Variants in CDPF1 observed in about 807,000 individuals in gnomAD.
The protein encoded by CDPF1 is cysteine rich DPF motif domain containing 1, also known as cysteine-rich DPF motif domain-containing protein 1.
Under a neutral mutation model 8.3 loss-of-function variants are expected in CDPF1, and 8 were observed. That is an observed-to-expected ratio of 0.96 (90% CI 0.57 to 1.74). The LOEUF (loss-of-function observed/expected upper bound fraction) is 1.74. CDPF1 is among the 40% of genes most tolerant of loss of function. The probability of loss-of-function intolerance (pLI) is 0.00; values close to 1 mark genes in which losing one functional copy is unlikely to be tolerated. For synonymous variants in CDPF1, 62 were observed against 62.9 expected, an observed-to-expected ratio of 0.99 and a Z score of 0.07; for missense variants, 151 against 155.3, an observed-to-expected ratio of 0.97 and a Z score of 0.15.
chr22:46,247,040 C>T lies in CDPF1; in HGVS notation c.225+70G>A, dbSNP rs998579862. ...CCGCTGCTCCCTCTCTCCCAGCCCT[C>T]CCTACCCAGGGAGAGCTCCAGGATA... On this transcript the variant is annotated intron_variant, in intron 3 of 3. Coordinates refer to ENST00000314567, the MANE Select transcript of CDPF1 (RefSeq NM_207327.5). The surrounding 1 kb of genome is among the most constrained non-coding windows in gnomAD (Gnocchi z 4.3). The T allele has an allele frequency of 2.0e-5, 28 of 1,404,000 alleles. No homozygotes were observed. Among genetic ancestry groups the T allele is most frequent in the Non-Finnish European group, 2.7e-5 (27 of 1,006,504 alleles). 87.0% of individuals were successfully genotyped at this position (1,404,000 alleles called of 1,614,324 possible). A position where few individuals can be genotyped will look rare whatever the true frequency, so the allele number is the denominator to read the frequency against.
In CDPF1 at chr22:46,246,815, C is replaced by G; in HGVS notation, c.225+295G>C. The G allele has an allele frequency of 6.4e-7, 1 of 1,572,292 alleles. No homozygotes were observed. The highest frequency in any genetic ancestry group is 8.6e-7 in the Non-Finnish European group (1 of 1,159,668). On this transcript the variant is annotated intron_variant, in intron 3 of 3. Transcript: ENST00000314567. The surrounding 1 kb of genome is among the most constrained non-coding windows in gnomAD (Gnocchi z 7.1). ...GAACATCTAGAAAGTAAGTCACCAT[C>G]CTGGTGAGAGGGCGCACAAGGACTG...
chr22:46,248,182 G>A lies in CDPF1; in HGVS notation c.103C>T (p.Gln35Ter), dbSNP rs1179299170. The A allele has an allele frequency of 9.9e-6, 16 of 1,611,870 alleles. No homozygotes were observed. The highest frequency in any genetic ancestry group is 1.4e-5 in the Non-Finnish European group (16 of 1,178,484). ...SYVGQKPPNT[Q>*]SMVLLEESYV... ...AAGGCATGCACTCACACCATCGACT[G>A]GGTGTTGGGGGGCTTCTGTCCCACA... The change falls in exon 2 of 4, where the codon CAG becomes TAG. Residue 35 changes from glutamine (Q) to a stop codon, truncating the protein, a stop_gained. Transcript: ENST00000314567. LOFTEE classifies it high-confidence loss of function. The surrounding 1 kb of genome is among the most constrained non-coding windows in gnomAD (Gnocchi z 4.1).
At position 46,249,477 on chromosome 22, in the gene CDPF1, C is replaced by T. The variant is rs1442569610; in HGVS notation, c.-1+779G>A. On this transcript the variant is annotated intron_variant, in intron 1 of 3. Transcript: ENST00000314567. This position sits in a 1 kb window ranked among gnomAD's most constrained non-coding sequence, Gnocchi z 4.6. ...CAACCTAGCCAACATGGCGAAACCCCATCTCTACTAAAAGTACAAAAATTA... is the reference window on the plus strand; with the variant it reads ...CAACCTAGCCAACATGGCGAAACCCTATCTCTACTAAAAGTACAAAAATTA... Among the ~76,000 whole-genome samples, 1 of 152,036 alleles carries T rather than the reference C, an allele frequency of 6.6e-6. No homozygotes were observed. Among genetic ancestry groups the T allele is most frequent in the Non-Finnish European group, 1.5e-5 (1 of 68,008 alleles).
chr22:46,244,522 G>A lies in CDPF1; in HGVS notation c.*570C>T, dbSNP rs945002115. 1 of 152,268 alleles carries A rather than the reference G, an allele frequency of 6.6e-6. No homozygotes were observed. The highest frequency in any genetic ancestry group is 2.4e-5 in the African/African-American group (1 of 41,408). The allele number at this position is 152,268 out of a possible 1,614,324, so 9.4% of individuals were successfully genotyped here. ...AAGATTCCTTTTCCAAACATGAGCTGGTTCTTTGGGTTTTTAATTATAAAC... is the reference window on the plus strand; with the variant it reads ...AAGATTCCTTTTCCAAACATGAGCTAGTTCTTTGGGTTTTTAATTATAAAC... On this transcript the variant is annotated 3_prime_UTR_variant, in exon 4 of 4. Transcript: ENST00000314567. This position sits in a 1 kb window ranked among gnomAD's most constrained non-coding sequence, Gnocchi z 6.7.
In CDPF1 at chr22:46,245,963, C is replaced by T. The variant is rs150930615; in HGVS notation, c.226-725G>A. Among the ~76,000 whole-genome samples, 17 of 152,318 alleles carry T rather than the reference C, an allele frequency of 1.1e-4. 1 individual carries two copies. The East Asian group carries it at 3.3e-3, about 29-fold the overall frequency. On this transcript the variant is annotated intron_variant, in intron 3 of 3. Coordinates refer to ENST00000314567, the MANE Select transcript of CDPF1 (RefSeq NM_207327.5). The surrounding 1 kb of genome is among the most constrained non-coding windows in gnomAD (Gnocchi z 6.9). ...GTGGGAGCTCCACAGCCACAAGGGA[C>T]CCAAATAGAGACTCTGCTGAAGACA...
chr22:46,244,750 C>T lies in CDPF1; in HGVS notation c.*342G>A, dbSNP rs922239918. On this transcript the variant is annotated 3_prime_UTR_variant, in exon 4 of 4. Transcript: ENST00000314567. This position sits in a 1 kb window ranked among gnomAD's most constrained non-coding sequence, Gnocchi z 6.7. ...GCATCTCCCCCCACACGCACCTGCA[C>T]GCAGCCTCTTAGGAGCTGCCCTGCT... 19 of 268,106 alleles carry T rather than the reference C, an allele frequency of 7.1e-5. No individual in the cohort carries two copies. Among genetic ancestry groups the T allele is most frequent in the Middle Eastern group, 1.1e-3 (1 of 878 alleles). 16.6% of individuals were successfully genotyped at this position (268,106 alleles called of 1,614,324 possible). A position where few individuals can be genotyped will look rare whatever the true frequency, so the allele number is the denominator to read the frequency against.
rs149670586 is a variant in CDPF1 at position 46,246,084 on chromosome 22, T to C, written c.226-846A>G. Among the ~76,000 whole-genome samples the C allele has an allele frequency of 0.013, 1,965 of 152,300 alleles. 18 individuals carry two copies. Among genetic ancestry groups the C allele is most frequent in the Admixed American group, 0.019 (289 of 15,300 alleles). ...TTTGCTTTACTTAGGCCACTCTTAT[T>C]TTTGGTGTCTGTCTGTTCTTAAAGC... On this transcript the variant is annotated intron_variant, in intron 3 of 3. Coordinates refer to ENST00000314567, the MANE Select transcript of CDPF1 (RefSeq NM_207327.5). This position sits in a 1 kb window ranked among gnomAD's most constrained non-coding sequence, Gnocchi z 7.1.
chr22:46,246,797 T>C lies in CDPF1; in HGVS notation c.225+313A>G. On this transcript the variant is annotated intron_variant, in intron 3 of 3. Transcript: ENST00000314567. This position sits in a 1 kb window ranked among gnomAD's most constrained non-coding sequence, Gnocchi z 7.1. ...TCCTGGAGATCCCTCCAAGAACATC[T>C]AGAAAGTAAGTCACCATCCTGGTGA... 1 of 1,588,172 alleles carries C rather than the reference T, an allele frequency of 6.3e-7. No individual in the cohort carries two copies.
Position 46,247,546 on chromosome 22 carries a change from C to G in CDPF1, c.114-325G>C, listed in dbSNP as rs1238250154. ...TGACTGATTCACCACAGTGGGGGCACAAGGCTGCCACCTGAATACCCCAGG... is the reference window on the plus strand; with the variant it reads ...TGACTGATTCACCACAGTGGGGGCAGAAGGCTGCCACCTGAATACCCCAGG... On this transcript the variant is annotated intron_variant, in intron 2 of 3. Transcript: ENST00000314567. This position sits in a 1 kb window ranked among gnomAD's most constrained non-coding sequence, Gnocchi z 4.3. Among the ~76,000 whole-genome samples the G allele has an allele frequency of 2.0e-5, 3 of 152,180 alleles. No homozygotes were observed. Among genetic ancestry groups the G allele is most frequent in the Non-Finnish European group, 4.4e-5 (3 of 68,020 alleles).
Position 46,249,275 on chromosome 22 carries a change from A to T in CDPF1, c.-1+981T>A, listed in dbSNP as rs1046647466. Among the ~76,000 whole-genome samples the T allele has an allele frequency of 2.0e-5, 3 of 152,170 alleles. No individual in the cohort carries two copies. The highest frequency in any genetic ancestry group is 7.2e-5 in the African/African-American group (3 of 41,432). On this transcript the variant is annotated intron_variant, in intron 1 of 3. Coordinates refer to ENST00000314567, the MANE Select transcript of CDPF1 (RefSeq NM_207327.5). The surrounding 1 kb of genome is among the most constrained non-coding windows in gnomAD (Gnocchi z 4.6). ...CGCCTGAACTGAGCGTGGTGTATAA[A>T]GGCGTATCAAATGCGATGGCTTTCC...
In CDPF1 at chr22:46,247,371, T is replaced by G. The variant is rs910270754; in HGVS notation, c.114-150A>C. On this transcript the variant is annotated intron_variant, in intron 2 of 3. Transcript: ENST00000314567. This position sits in a 1 kb window ranked among gnomAD's most constrained non-coding sequence, Gnocchi z 4.3. ...TCAGGGCAGGGGACTAGGCCACCCG[T>G]GCTGCAGGGCAGTGACAGAAAGGAT... The G allele has an allele frequency of 6.4e-6, 4 of 625,048 alleles. No individual in the cohort carries two copies. The highest frequency in any genetic ancestry group is 4.9e-5 in the Admixed American group (2 of 40,450). The allele number at this position is 625,048 out of a possible 1,614,324, so 38.7% of individuals were successfully genotyped here.
rs985928326 is a variant in CDPF1 at position 46,246,179 on chromosome 22, G to A, written c.225+931C>T. The stretch of plus-strand genomic sequence containing the variant: ...AAAAGACCCTTCGCCATGGAGATCC[G>A]CTCACTAACAACCTACTGTTTAAAC... On this transcript the variant is annotated intron_variant, in intron 3 of 3. Transcript: ENST00000314567. The surrounding 1 kb of genome is among the most constrained non-coding windows in gnomAD (Gnocchi z 7.1). Among the ~76,000 whole-genome samples, 1 of 152,186 alleles carries A rather than the reference G, an allele frequency of 6.6e-6. No homozygotes were observed. Among genetic ancestry groups the A allele is most frequent in the South Asian group, 2.1e-4 (1 of 4,828 alleles).
rs1446616595 is a variant in CDPF1 at position 46,247,504 on chromosome 22, C to A, written c.114-283G>T. On this transcript the variant is annotated intron_variant, in intron 2 of 3. Coordinates refer to ENST00000314567, the MANE Select transcript of CDPF1 (RefSeq NM_207327.5). This position sits in a 1 kb window ranked among gnomAD's most constrained non-coding sequence, Gnocchi z 4.3. ...TCAGCCAAAAGCAGGGCTGCTGCAA[C>A]ATGGGCCCCCAGACCCTGACTGATT... is the stretch of plus-strand genomic sequence containing the variant. Among the ~76,000 whole-genome samples the A allele has an allele frequency of 6.6e-6, 1 of 152,218 alleles. No individual in the cohort carries two copies. Among genetic ancestry groups the A allele is most frequent in the Non-Finnish European group, 1.5e-5 (1 of 68,028 alleles).
chr22:46,245,339 G>C lies in CDPF1; in HGVS notation c.226-101C>G, dbSNP rs1293662648. 5 of 1,287,892 alleles carry C rather than the reference G, an allele frequency of 3.9e-6. No homozygotes were observed. The Admixed American group carries it at 1.0e-4, about 27-fold the overall frequency. The allele number at this position is 1,287,892 out of a possible 1,614,324, so 79.8% of individuals were successfully genotyped here. ...CCCACACTTGGGGGGCTGGGCTGGG[G>C]CCCCAGCATGCACAGTGTGGGCAGG... On this transcript the variant is annotated intron_variant, in intron 3 of 3. Transcript: ENST00000314567. The surrounding 1 kb of genome is among the most constrained non-coding windows in gnomAD (Gnocchi z 6.9).
Position 46,248,363 on chromosome 22 carries a change from CTAACCA to C in CDPF1, c.1-85_1-80del. On this transcript the variant is annotated intron_variant, in intron 1 of 3. Coordinates refer to ENST00000314567, the MANE Select transcript of CDPF1 (RefSeq NM_207327.5). The surrounding 1 kb of genome is among the most constrained non-coding windows in gnomAD (Gnocchi z 4.1). ...TGCCCCTTTCCCAGCTATGAAGACC[CTAACCA>C]TATAGTCCTAGCACAGTTTCTTGCC... is the stretch of plus-strand genomic sequence containing the variant. 1.1e-6 allele frequency: 1 copy of C among 870,124 alleles called. No homozygotes were observed. The highest frequency in any genetic ancestry group is 1.9e-6 in the Non-Finnish European group (1 of 533,064). The allele number at this position is 870,124 out of a possible 1,614,324, so 53.9% of individuals were successfully genotyped here.
chr22:46,248,724 T>C lies in CDPF1; in HGVS notation c.1-440A>G, dbSNP rs1171301734. On this transcript the variant is annotated intron_variant, in intron 1 of 3. Coordinates refer to ENST00000314567, the MANE Select transcript of CDPF1 (RefSeq NM_207327.5). This position sits in a 1 kb window ranked among gnomAD's most constrained non-coding sequence, Gnocchi z 4.1. ...ATTAGTCCACACGTGGTGTGGACAT[T>C]AGAACTGTTTTCTTGGCCAGGCGCA... Among the ~76,000 whole-genome samples, 2 of 152,172 alleles carry C rather than the reference T, an allele frequency of 1.3e-5. No homozygotes were observed. Among genetic ancestry groups the C allele is most frequent in the African/African-American group, 4.8e-5 (2 of 41,430 alleles).
rs1281306294 is a variant in CDPF1, at chr22:46,244,962, T to G, written c.*130A>C. On this transcript the variant is annotated 3_prime_UTR_variant, in exon 4 of 4. Coordinates refer to ENST00000314567, the MANE Select transcript of CDPF1 (RefSeq NM_207327.5). The surrounding 1 kb of genome is among the most constrained non-coding windows in gnomAD (Gnocchi z 6.7). ...AAGCTGGACTCCAGCTCCCCTGGGC[T>G]GCAGTGCTGCTCCCAGTGGTCCAGA... The G allele has an allele frequency of 1.7e-6, 2 of 1,193,548 alleles. No homozygotes were observed. The highest frequency in any genetic ancestry group is 1.5e-5 in the African/African-American group (1 of 65,226). 73.9% of individuals were successfully genotyped at this position (1,193,548 alleles called of 1,614,324 possible).
rs1336754483 is a variant in CDPF1 at position 46,248,888 on chromosome 22, G to A, written c.1-604C>T. 3.3e-5 allele frequency among the ~76,000 whole-genome samples: 5 copies of A among 152,160 alleles called. No homozygotes were observed. The highest frequency in any genetic ancestry group is 9.7e-5 in the African/African-American group (4 of 41,430). ...CAAAAAATTAGCCAGGCGTGGTGGC[G>A]GGCGCCTATAGTCTCAGCTACATGG... On this transcript the variant is annotated intron_variant, in intron 1 of 3. Transcript: ENST00000314567. The surrounding 1 kb of genome is among the most constrained non-coding windows in gnomAD (Gnocchi z 4.1).
At position 46,246,596 on chromosome 22, in the gene CDPF1, G is replaced by C; in HGVS notation, c.225+514C>G. ...CGTCCTTGGGTTTACAGCTACCCAG[G>C]TGAACCTGGCCCACCCAGCCTCTCT... On this transcript the variant is annotated intron_variant, in intron 3 of 3. Coordinates refer to ENST00000314567, the MANE Select transcript of CDPF1 (RefSeq NM_207327.5). The surrounding 1 kb of genome is among the most constrained non-coding windows in gnomAD (Gnocchi z 7.1). 1 of 1,506,520 alleles carries C rather than the reference G, an allele frequency of 6.6e-7. No individual in the cohort carries two copies. Among genetic ancestry groups the C allele is most frequent in the Non-Finnish European group, 8.9e-7 (1 of 1,120,770 alleles). The allele number at this position is 1,506,520 out of a possible 1,614,324, so 93.3% of individuals were successfully genotyped here. A position where few individuals can be genotyped will look rare whatever the true frequency, so the allele number is the denominator to read the frequency against.
Sources: gnomAD v4.1 joint callset for allele counts (sites outside exome capture counted in the v4.1 genomes callset) on GRCh38, gnomAD v4.1.1 for gene constraint, Gnocchi (gnomAD v3.1) non-coding constraint, MANE v1.5 for transcripts, NCBI Gene and HGNC (gene_info 2026-07-23, HGNC 2026-07-21) for gene names.